CD84: variants seen among roughly 807,000 people sequenced by gnomAD.
The protein encoded by CD84 is CD84 molecule.
CD84 carries 22 observed loss-of-function variants against 33.8 expected under a neutral mutation model. The observed-to-expected ratio is 0.65, with a 90% confidence interval of 0.46 to 0.93. The LOEUF (loss-of-function observed/expected upper bound fraction) is 0.93, where lower values mean the gene tolerates loss of function less well. Ranked by LOEUF, CD84 falls within the 40% of genes least tolerant of loss-of-function variation. CD84 has a pLI of 0.00. For missense variants in CD84, 400 were observed against 397.6 expected (o/e 1.01, Z -0.05); for synonymous variants, 154 against 145.2 (o/e 1.06, Z -0.44).
At chr1:160,568,712 C>T (rs1657484318) in intron 1 of CD84, among the ~76,000 whole-genome samples, 1 of 152,012 alleles carries the variant, frequency 6.6e-6, no homozygotes, top group African/African-American at 2.4e-5. Context: ...CCTCCACCTC[C>T]CGGGTTCAGG....
At chr1:160,558,665 A>C (rs1036655383) in intron 2 of CD84, among the ~76,000 whole-genome samples, 1 of 152,230 alleles carries the variant, frequency 6.6e-6, no homozygotes, top group Non-Finnish European at 1.5e-5. Context: ...AGTAGGCTTC[A>C]GAAGGTGGGT....
chr1:160,565,824 C>A, intron 1 of CD84, 79 bp from the exon 2 acceptor site: 2 of 1,238,552 alleles, frequency 1.6e-6, no homozygotes, highest in Non-Finnish European at 2.2e-6. Context: ...CCTTGGAGCT[C>A]CCTGAGGAGC....
At chr1:160,564,896 A>C (rs771724050) in intron 2 of CD84, among the ~76,000 whole-genome samples, 1 of 152,158 alleles carries the variant, frequency 6.6e-6, no homozygotes, top group Non-Finnish European at 1.5e-5. Context: ...CACATAAATG[A>C]ATGCATGCAT....
intron 2 of CD84, among the ~76,000 whole-genome samples, chr1:160,559,247 T>C (rs1438536630): frequency 2.0e-5 from 3 of 152,104 alleles, no homozygotes; most frequent in Non-Finnish European, 4.4e-5. Flanking sequence ...CCAGGTCACC[T>C]ACAAAGGGAA....
At chr1:160,569,238 G>C (rs970157232) in intron 1 of CD84, among the ~76,000 whole-genome samples, 1 of 152,154 alleles carries the variant, frequency 6.6e-6, no homozygotes, top group Non-Finnish European at 1.5e-5. Context: ...GACAGTTTCA[G>C]GTACCCTGGA....
Position 160,542,668 on chromosome 1 carries a change from G to T in CD84, c.*5588C>A, listed in dbSNP as rs987164762. ...ATCCCAAACCCAGAGACTTGTACAGGGCTGTTGAGAACTGTCTGGGCAATC... is the reference window on the plus strand; with the variant it reads ...ATCCCAAACCCAGAGACTTGTACAGTGCTGTTGAGAACTGTCTGGGCAATC... On this transcript the variant is annotated 3_prime_UTR_variant, in exon 7 of 7. Coordinates refer to ENST00000368054, the MANE Select transcript of CD84 (RefSeq NM_003874.4). The T allele has an allele frequency of 6.6e-6, 1 of 152,138 alleles. No individual in the cohort carries two copies. The highest frequency in any genetic ancestry group is 2.4e-5 in the African/African-American group (1 of 41,418). The allele number at this position is 152,138 out of a possible 1,614,324, so 9.4% of individuals were successfully genotyped here. A position where few individuals can be genotyped will look rare whatever the true frequency, so the allele number is the denominator to read the frequency against.
chr1:160,547,178 T>C lies in CD84; in HGVS notation c.*1078A>G. 1 of 398,814 alleles carries C rather than the reference T, an allele frequency of 2.5e-6. No individual in the cohort carries two copies. Among genetic ancestry groups the C allele is most frequent in the Non-Finnish European group, 4.4e-6 (1 of 226,052 alleles). The allele number at this position is 398,814 out of a possible 1,614,324, so 24.7% of individuals were successfully genotyped here. On this transcript the variant is annotated 3_prime_UTR_variant, in exon 7 of 7. Coordinates refer to ENST00000368054, the MANE Select transcript of CD84 (RefSeq NM_003874.4). The stretch of plus-strand genomic sequence containing the variant: ...CACTCTGCCTCAGCTTAAACTCTAG[T>C]TCTCTGAGTCTTTGGAACTGGGATG...
At position 160,550,969 on chromosome 1, in the gene CD84, G is replaced by T. The variant is rs1656174707; in HGVS notation, c.827C>A (p.Ser276Tyr). Residue 276 changes from serine to tyrosine, a missense_variant, in exon 5 of 7, where the codon TCC becomes TAC. Physicochemically the swap from Ser to Tyr is moderately radical, Grantham distance 144 (BLOSUM62 -2). Transcript: ENST00000368054. ...CTGCAGGATTTCATCATAGATTCTG[G>T]ACTCTGCTGGCTGGGTGTTCCTTGA... Reference protein sequence around the residue: ...MASRNTQPAESRIYDEILQSK... With the variant: ...MASRNTQPAEYRIYDEILQSK... 8 of 1,613,948 alleles carry T rather than the reference G, an allele frequency of 5.0e-6. No homozygotes were observed. The highest frequency in any genetic ancestry group is 1.3e-5 in the African/African-American group (1 of 74,902).
chr1:160,567,854 C>A (rs754475655), intron 1 of CD84, among the ~76,000 whole-genome samples: 1 of 152,108 alleles, frequency 6.6e-6, no homozygotes, highest in Non-Finnish European at 1.5e-5. Context: ...CAGCGTGAAT[C>A]CCTGGATGGT....
intron 5 of CD84, 33 bp from the exon 6 acceptor site, chr1:160,550,012 A>C (rs1253360095): frequency 2.1e-6 from 3 of 1,397,428 alleles, no homozygotes; most frequent in Non-Finnish European, 3.0e-6. Flanking sequence ...TCAGTGAGGG[A>C]GCCCAGGCCC....
intron 2 of CD84, among the ~76,000 whole-genome samples, chr1:160,557,042 T>A (rs56991990): frequency 0.017 from 2,522 of 152,216 alleles, 82 homozygotes; most frequent in African/African-American, 0.057. Flanking sequence ...GGGATAAGGA[T>A]TAAAAAATTA....
intron 4 of CD84, chr1:160,552,962 G>A (rs1656335532): frequency 1.7e-6 from 1 of 586,994 alleles, no homozygotes. Context: ...CAACCATGGA[G>A]TACAGGATTA....
intron 2 of CD84, among the ~76,000 whole-genome samples, chr1:160,563,581 C>T (rs1393838492): frequency 6.6e-6 from 1 of 151,802 alleles, no homozygotes; most frequent in Non-Finnish European, 1.5e-5. Context: ...CACACTGGGA[C>T]CTGTTGGAGA....
intron 2 of CD84, among the ~76,000 whole-genome samples, chr1:160,555,119 C>T (rs1271332729): frequency 6.8e-6 from 1 of 146,640 alleles, no homozygotes; most frequent in Non-Finnish European, 1.5e-5. Context: ...CTTGCTCTGT[C>T]ACCCAGGCTG....
chr1:160,552,851 C>G, intron 4 of CD84: 1 of 754,552 alleles, frequency 1.3e-6, no homozygotes, highest in East Asian at 2.7e-5. Context: ...GTGGGTGAAT[C>G]GGAGGGTATA....
intron 6 of CD84, 124 bp downstream of exon 6, chr1:160,549,793 A>G: frequency 6.4e-6 from 5 of 785,374 alleles, no homozygotes; most frequent in Non-Finnish European, 1.1e-5. Context: ...AAACCTAGGC[A>G]GTGGGTCCTG....
intron 2 of CD84, among the ~76,000 whole-genome samples, chr1:160,559,176 A>G (rs1656789925): frequency 6.6e-6 from 1 of 152,186 alleles, no homozygotes; most frequent in African/African-American, 2.4e-5. Flanking sequence ...AGGACACGTA[A>G]TCATCAGATT....
chr1:160,549,993 A>T lies in CD84; in HGVS notation c.859-14T>A, dbSNP rs1283002786. 6.3e-7 allele frequency: 1 copy of T among 1,589,940 alleles called. No individual in the cohort carries two copies. Among genetic ancestry groups the T allele is most frequent in the Admixed American group, 1.7e-5 (1 of 59,808 alleles). ...GGAGGGAAGCACCTGTAAAACACAC[A>T]TCTTCCCCTCAGTGAGGGAGCCCAG... On this transcript the variant is annotated splice_polypyrimidine_tract_variant and intron_variant, in intron 5 of 6. Coordinates refer to ENST00000368054, the MANE Select transcript of CD84 (RefSeq NM_003874.4).
chr1:160,568,320 G>T (rs1445772096), intron 1 of CD84, among the ~76,000 whole-genome samples: 2 of 152,230 alleles, frequency 1.3e-5, no homozygotes, highest in South Asian at 2.1e-4. Context: ...AGGAAGTGTT[G>T]GTGGGGTATC....
Sources: allele counts gnomAD v4.1 joint callset (sites outside exome capture counted in the v4.1 genomes callset), GRCh38; gene constraint gnomAD v4.1.1; transcripts MANE v1.5; gene names NCBI Gene and HGNC (gene_info 2026-07-23, HGNC 2026-07-21).